Variants in ZFHX4 observed in about 807,000 individuals in gnomAD.
ZFHX4 encodes the protein zinc finger homeobox protein 4.
A neutral mutation model predicts 267.6 loss-of-function variants in ZFHX4; 56 were observed. The ratio of observed to expected loss-of-function variants is 0.21; its 90% CI spans 0.17 to 0.26. The LOEUF (loss-of-function observed/expected upper bound fraction) is 0.26. Ranked by LOEUF, ZFHX4 falls within the 10% of genes least tolerant of loss-of-function variation. The pLI, the probability that ZFHX4 is intolerant of heterozygous loss-of-function variation, is 1.00. For synonymous variants in ZFHX4, 1,778 were observed against 1,665.6 expected (o/e 1.07, Z -1.64); for missense variants, 4,332 against 4,420.0 (o/e 0.98, Z 0.56).
At chr8:76,838,228 T>C (rs1812142750) in intron 5 of ZFHX4, among the ~76,000 whole-genome samples, 1 of 152,142 alleles carries the variant, frequency 6.6e-6, no homozygotes, top group African/African-American at 2.4e-5. Flanking sequence ...ACCTGGAAAC[T>C]CAACAGAGAG....
In ZFHX4 at chr8:76,852,630, G is replaced by A. The variant is rs887895205; in HGVS notation, c.5709G>A (p.Gly1903=). ...TCCCACCACCCCGAATAGCTTCAGG[G>A]GCCAGAGGAAATGCTGCCAAAGCGT... is the stretch of plus-strand genomic sequence containing the variant. ...PSIPPPRIAS[G]ARGNAAKALL... Residue 1903 remains glycine, a synonymous_variant, in exon 10 of 11, where the codon GGG becomes GGA. Transcript: ENST00000651372. The A allele has an allele frequency of 1.9e-6, 3 of 1,612,946 alleles. No homozygotes were observed. The African/African-American group carries it at 4.0e-5, about 22-fold the overall frequency.
intron 3 of ZFHX4, among the ~76,000 whole-genome samples, chr8:76,743,964 T>G (rs1286067136): frequency 6.6e-6 from 1 of 152,230 alleles, no homozygotes; most frequent in African/African-American, 2.4e-5. Context: ...TGATTGAATA[T>G]AGCTTAACCA....
intron 3 of ZFHX4, among the ~76,000 whole-genome samples, chr8:76,755,368 T>G (rs970753252): frequency 6.6e-6 from 1 of 152,214 alleles, no homozygotes; most frequent in Admixed American, 6.5e-5. Flanking sequence ...TTTGCCTTTT[T>G]AGATCTAAAT....
At chr8:76,695,939 A>G (rs1277219722) in intron 1 of ZFHX4, among the ~76,000 whole-genome samples, 3 of 152,172 alleles carry the variant, frequency 2.0e-5, no homozygotes, top group African/African-American at 4.8e-5. Flanking sequence ...GCTTTGGTTG[A>G]TGTTTGGTGG....
rs1184776180 is a variant in ZFHX4 at position 76,778,496 on chromosome 8, CACACACACACACAA to C, written c.3325+71_3325+84del. 466 of 1,312,976 alleles carry C rather than the reference CACACACACACACAA, an allele frequency of 3.5e-4. 2 individuals are homozygous for C. Among genetic ancestry groups the C allele is most frequent in the East Asian group, 4.6e-4 (20 of 43,316 alleles). 81.3% of individuals were successfully genotyped at this position (1,312,976 alleles called of 1,614,324 possible). A position where few individuals can be genotyped will look rare whatever the true frequency, so the allele number is the denominator to read the frequency against. ...CCTCCCTCCACACCACTTCATCACACACACACACACACAAACACACACACACACGCCTCAAACTC... is the reference window on the plus strand; with the variant it reads ...CCTCCCTCCACACCACTTCATCACACACACACACACACACGCCTCAAACTC... On this transcript the variant is annotated intron_variant, in intron 4 of 10. Coordinates refer to ENST00000651372, the MANE Select transcript of ZFHX4 (RefSeq NM_024721.5).
At chr8:76,776,257 T>G (rs892592600) in intron 3 of ZFHX4, among the ~76,000 whole-genome samples, 1 of 151,992 alleles carries the variant, frequency 6.6e-6, no homozygotes, top group African/African-American at 2.4e-5. Flanking sequence ...GGTGAATGGT[T>G]ACACGATTTA....
rs1387575422 is a variant in ZFHX4 at position 76,706,230 on chromosome 8, C to G, written c.2142C>G (p.Leu714=). 1 of 1,613,938 alleles carries G rather than the reference C, an allele frequency of 6.2e-7. No homozygotes were observed. Among genetic ancestry groups the G allele is most frequent in the African/African-American group, 1.3e-5 (1 of 74,880 alleles). Residue 714 remains leucine (L), a synonymous_variant, in exon 2 of 11, where the codon CTC becomes CTG. Transcript: ENST00000651372. The part of the protein sequence containing the change: ...CNYSTTTKGN[L]SIHMQSDKHL... The stretch of plus-strand genomic sequence containing the variant: ...ACTCTACCACTACCAAAGGCAACCT[C>G]AGTATTCATATGCAGTCGGACAAGC...
chr8:76,835,265 A>ATGTATATATATGTGTATATATATATATG (rs1812063274), intron 5 of ZFHX4, among the ~76,000 whole-genome samples: 1 of 83,570 alleles, frequency 1.2e-5, no homozygotes, highest in Non-Finnish European at 2.3e-5. Context: ...ATATATTCAT[A>ATGTATATATATGTGTATATATATATATG]CATATATTTG....
intron 4 of ZFHX4, among the ~76,000 whole-genome samples, chr8:76,794,948 A>C (rs1198621046): frequency 6.6e-6 from 1 of 150,654 alleles, no homozygotes; most frequent in Non-Finnish European, 1.5e-5. Flanking sequence ...AGTCCATCTC[A>C]GTAGACACTT....
At chr8:76,787,899 T>C (rs151209889) in intron 4 of ZFHX4, among the ~76,000 whole-genome samples, 170 of 152,124 alleles carry the variant, frequency 1.1e-3, no homozygotes, top group African/African-American at 3.9e-3. Context: ...ATGATGATGA[T>C]GTTGATGATA....
At chr8:76,766,958 C>T (rs76132822) in intron 3 of ZFHX4, among the ~76,000 whole-genome samples, 16,453 of 151,872 alleles carry the variant, frequency 0.11, 1,505 homozygotes, top group African/African-American at 0.25. Flanking sequence ...TTTTCCCTAA[C>T]ACTCAGTTAC....
chr8:76,746,223 T>C (rs533950669), intron 3 of ZFHX4, among the ~76,000 whole-genome samples: 1 of 152,250 alleles, frequency 6.6e-6, no homozygotes, highest in South Asian at 2.1e-4. Context: ...TTGGGCAACA[T>C]AGCAAGACTC....
At position 76,856,509 on chromosome 8, in the gene ZFHX4, GAT is replaced by G. The variant is rs1276945969; in HGVS notation, c.9379+210_9379+211del. The stretch of plus-strand genomic sequence containing the variant: ...CACACAGAAAAATAAAGACTAGGTA[GAT>G]CACAGCAGATTCTCAGATATATATT... On this transcript the variant is annotated intron_variant, in intron 10 of 10. Coordinates refer to ENST00000651372, the MANE Select transcript of ZFHX4 (RefSeq NM_024721.5). Among the ~76,000 whole-genome samples, 52 of 152,144 alleles carry G rather than the reference GAT, an allele frequency of 3.4e-4. 1 individual carries two copies. The highest frequency in any genetic ancestry group is 1.3e-4 in the Non-Finnish European group (9 of 68,024).
chr8:76,727,983 C>T (rs1193418065), intron 3 of ZFHX4, among the ~76,000 whole-genome samples: 1 of 152,136 alleles, frequency 6.6e-6, no homozygotes, highest in African/African-American at 2.4e-5. Context: ...GCAGCATTAA[C>T]CCTTTGGGGG....
chr8:76,853,829 G>C lies in ZFHX4; in HGVS notation c.6908G>C (p.Arg2303Pro). ...DNEKRELTNE[R>P]YIRTSNMQYQ... ...GAAAAAAGAGAACTCACTAATGAAC[G>C]GTACATTCGAACAAGCAACATGCAG... The change falls in exon 10 of 11, where the codon CGG becomes CCG. Residue 2303 changes from arginine to proline, a missense_variant. This residue lies in a region of ZFHX4 where 1,648 missense variants were observed against 1,625.0 expected (regional missense o/e 1.01). Transcript: ENST00000651372. 2 of 1,613,784 alleles carry C rather than the reference G, an allele frequency of 1.2e-6. No individual in the cohort carries two copies. Among genetic ancestry groups the C allele is most frequent in the Non-Finnish European group, 1.7e-6 (2 of 1,179,844 alleles).
intron 1 of ZFHX4, chr8:76,703,674 T>C (rs1248751868): frequency 6.1e-6 from 1 of 163,112 alleles, no homozygotes; most frequent in Non-Finnish European, 1.3e-5. Flanking sequence ...AGCTGCTGTA[T>C]ACAAAAGCTA....
At chr8:76,819,348 T>A (rs942751407) in intron 4 of ZFHX4, among the ~76,000 whole-genome samples, 7 of 152,086 alleles carry the variant, frequency 4.6e-5, no homozygotes, top group African/African-American at 1.7e-4. Context: ...CATTTTTATA[T>A]CTTTCTAAAT....
intron 4 of ZFHX4, among the ~76,000 whole-genome samples, chr8:76,802,639 G>A (rs1811143933): frequency 1.3e-5 from 2 of 152,128 alleles, no homozygotes; most frequent in African/African-American, 4.8e-5. Flanking sequence ...GGTACAAAAT[G>A]TGCCTCTGAC....
In ZFHX4 at chr8:76,705,930, G is replaced by A. The variant is rs780319225; in HGVS notation, c.1842G>A (p.Glu614=). 3 of 1,613,628 alleles carry A rather than the reference G, an allele frequency of 1.9e-6. No individual in the cohort carries two copies. Among genetic ancestry groups the A allele is most frequent in the Non-Finnish European group, 8.5e-7 (1 of 1,179,838 alleles). ...GGDGSPGSGI[E]CPKCDTVLGS... Reference sequence around the variant, plus strand: ...ACGGCTCACCGGGCAGTGGCATCGAGTGTCCAAAGTGCGACACTGTGTTGG... The same window carrying A: ...ACGGCTCACCGGGCAGTGGCATCGAATGTCCAAAGTGCGACACTGTGTTGG... Residue 614 remains glutamate (E), a synonymous_variant, in exon 2 of 11, where the codon GAG becomes GAA. Coordinates refer to ENST00000651372, the MANE Select transcript of ZFHX4 (RefSeq NM_024721.5).
Sources: allele counts gnomAD v4.1 joint callset (sites outside exome capture counted in the v4.1 genomes callset), GRCh38; gene constraint gnomAD v4.1.1; regional missense constraint gnomAD v4.1.1; transcripts MANE v1.5; gene names NCBI Gene and HGNC (gene_info 2026-07-23, HGNC 2026-07-21).